Variants in WAC observed in about 807,000 individuals in gnomAD.
The protein encoded by WAC is WW domain-containing adapter protein with coiled-coil.
WAC carries 11 observed loss-of-function variants against 79.6 expected under a neutral mutation model. The observed-to-expected ratio is 0.14, with a 90% confidence interval of 0.09 to 0.23. The LOEUF (loss-of-function observed/expected upper bound fraction) is 0.23, where lower values mean the gene tolerates loss of function less well. Ranked by LOEUF, WAC falls within the 10% of genes least tolerant of loss-of-function variation. The pLI, the probability that WAC is intolerant of heterozygous loss-of-function variation, is 1.00. For synonymous variants in WAC, 304 were observed against 276.9 expected (o/e 1.10, Z -0.97); for missense variants, 728 against 773.5 (o/e 0.94, Z 0.70).
intron 4 of WAC, chr10:28,588,888 G>A (rs1313639089): frequency 1.3e-5 from 2 of 151,974 alleles, no homozygotes; most frequent in Non-Finnish European, 2.9e-5. Flanking sequence ...CTAGCTATTT[G>A]ACAAAATATA....
In WAC at chr10:28,549,038, G is replaced by A. The variant is rs547925633; in HGVS notation, c.274+13281G>A. On this transcript the variant is annotated intron_variant, in intron 3 of 13. Coordinates refer to ENST00000354911, the MANE Select transcript of WAC (RefSeq NM_016628.5). ...CACAACCTCCCAAGTAGTTGAGCCT[G>A]CAGGCATATGCTGCCACTTCTGGCT... is the stretch of plus-strand genomic sequence containing the variant. Among the ~76,000 whole-genome samples, 55 of 152,230 alleles carry A rather than the reference G, an allele frequency of 3.6e-4. No individual in the cohort carries two copies. In the East Asian group the frequency reaches 6.8e-3, roughly 19 times the overall value.
intron 12 of WAC, among the ~76,000 whole-genome samples, chr10:28,616,880 G>A (rs1013788800): frequency 7.9e-5 from 12 of 152,144 alleles, no homozygotes; most frequent in African/African-American, 1.2e-4. Flanking sequence ...CCAGGAGTTC[G>A]AGACCAGTCT....
intron 3 of WAC, among the ~76,000 whole-genome samples, chr10:28,573,996 A>G (rs377539978): frequency 6.6e-6 from 1 of 151,950 alleles, no homozygotes; most frequent in Admixed American, 6.6e-5. Flanking sequence ...TTCACTTGGC[A>G]TATTTTTGAG....
chr10:28,587,454 C>G (rs753229890), intron 4 of WAC, among the ~76,000 whole-genome samples: 3 of 152,156 alleles, frequency 2.0e-5, no homozygotes, highest in South Asian at 2.1e-4. Flanking sequence ...GAAAATAGTT[C>G]TGGTCTTGTG....
chr10:28,566,032 T>C (rs551858813), intron 3 of WAC, among the ~76,000 whole-genome samples: 5 of 152,148 alleles, frequency 3.3e-5, no homozygotes, highest in African/African-American at 7.2e-5. Flanking sequence ...AAAAAAAAAT[T>C]AGAGTAAAAT....
chr10:28,568,136 C>T (rs2132530326), intron 3 of WAC, among the ~76,000 whole-genome samples: 1 of 152,186 alleles, frequency 6.6e-6, no homozygotes, highest in Admixed American at 6.5e-5. Flanking sequence ...TCTTTTTGGT[C>T]CCTTTAGTTA....
upstream of WAC, chr10:28,533,051 A>G: frequency 6.5e-6 from 1 of 154,862 alleles, no homozygotes; most frequent in Non-Finnish European, 1.4e-5. Context: ...TGCGGGGAGG[A>G]AGGCCGAGGG....
intron 3 of WAC, among the ~76,000 whole-genome samples, chr10:28,549,448 C>CT (rs1222377444): frequency 6.6e-6 from 1 of 152,130 alleles, no homozygotes; most frequent in East Asian, 1.9e-4. Flanking sequence ...CTTCCTAAAT[C>CT]TTTTTCTAAT....
intron 3 of WAC, among the ~76,000 whole-genome samples, chr10:28,550,514 C>T (rs541917910): frequency 6.6e-6 from 1 of 152,200 alleles, no homozygotes; most frequent in African/African-American, 2.4e-5. Flanking sequence ...ACACTTTGAG[C>T]TCCTAATAGG....
At position 28,619,951 on chromosome 10, in the gene WAC, T is replaced by A. The variant is rs1841630626; in HGVS notation, c.*345T>A. ...TTACATGTAAACCTGTCTGCAAAAT[T>A]AGCTTTTTTAAAAAAAAAAAAAAAA... On this transcript the variant is annotated 3_prime_UTR_variant, in exon 14 of 14. Coordinates refer to ENST00000354911, the MANE Select transcript of WAC (RefSeq NM_016628.5). 6.4e-6 allele frequency: 1 copy of A among 156,584 alleles called. No individual in the cohort carries two copies. The highest frequency in any genetic ancestry group is 2.5e-5 in the African/African-American group (1 of 40,088). 9.7% of individuals were successfully genotyped at this position (156,584 alleles called of 1,614,324 possible).
rs71391054 is a variant in WAC, at chr10:28,603,961, G to GTATA, written c.920-4201_920-4198dup. Among the ~76,000 whole-genome samples, 182 of 20,872 alleles carry GTATA rather than the reference G, an allele frequency of 8.7e-3. 7 individuals carry two copies. The highest frequency in any genetic ancestry group is 0.038 in the African/African-American group (88 of 2,340). 13.7% of individuals were successfully genotyped at this position (20,872 alleles called of 152,430 possible). ...AAAAAAAATATATATATGTATGTAT[G>GTATA]TATATATATATATATATATATATAT... On this transcript the variant is annotated intron_variant, in intron 7 of 13. Transcript: ENST00000354911.
At chr10:28,584,176 G>C (rs1049302406) in intron 4 of WAC, among the ~76,000 whole-genome samples, 1 of 152,194 alleles carries the variant, frequency 6.6e-6, no homozygotes. Context: ...AATAGTGCCT[G>C]TTAAAGTTGC....
intron 12 of WAC, among the ~76,000 whole-genome samples, chr10:28,616,872 A>T (rs1009892045): frequency 6.6e-6 from 1 of 152,248 alleles, no homozygotes; most frequent in Admixed American, 6.5e-5. Flanking sequence ...GAGGCCAGCC[A>T]GGAGTTCGAG....
At chr10:28,587,413 A>G (rs549325737) in intron 4 of WAC, among the ~76,000 whole-genome samples, 23 of 152,308 alleles carry the variant, frequency 1.5e-4, no homozygotes, top group African/African-American at 5.5e-4. Flanking sequence ...TAAAATGAGG[A>G]AGAAAAAAAT....
chr10:28,571,412 A>G (rs574415093), intron 3 of WAC, among the ~76,000 whole-genome samples: 2 of 152,286 alleles, frequency 1.3e-5, no homozygotes, highest in South Asian at 4.1e-4. Context: ...AGCTTTACAC[A>G]TCTGTTACAT....
At chr10:28,601,608 T>A (rs1020320463) in intron 7 of WAC, among the ~76,000 whole-genome samples, 9 of 152,120 alleles carry the variant, frequency 5.9e-5, no homozygotes, top group African/African-American at 2.2e-4. Flanking sequence ...TACATGCGGG[T>A]GTTCCTAGTA....
At position 28,610,651 on chromosome 10, in the gene WAC, CA is replaced by C. The variant is rs1450473036; in HGVS notation, c.1166-47del. On this transcript the variant is annotated intron_variant, in intron 8 of 13. Coordinates refer to ENST00000354911, the MANE Select transcript of WAC (RefSeq NM_016628.5). ...CCTTGTCAGGTTGTTACTAATGCCA[CA>C]TAAGCCTCTTGTTTTTATATGAATG... The C allele has an allele frequency of 2.6e-6, 4 of 1,553,508 alleles. No individual in the cohort carries two copies. The African/African-American group carries it at 5.6e-5, about 22-fold the overall frequency.
At chr10:28,583,090 CTT>C (rs968700260) in intron 3 of WAC, among the ~76,000 whole-genome samples, 2 of 152,014 alleles carry the variant, frequency 1.3e-5, no homozygotes, top group Non-Finnish European at 2.9e-5. Context: ...TCCAGTAAAA[CTT>C]TAAGAAAACC....
intron 2 of WAC, chr10:28,534,272 C>T (rs1414376596): frequency 2.3e-6 from 1 of 437,186 alleles, no homozygotes; most frequent in Admixed American, 4.2e-5. Context: ...AAAAAAGAAT[C>T]ATTTGCAGCC....
Sources: gnomAD v4.1 joint callset for allele counts (sites outside exome capture counted in the v4.1 genomes callset) on GRCh38, gnomAD v4.1.1 for gene constraint, MANE v1.5 for transcripts, NCBI Gene and HGNC (gene_info 2026-07-23, HGNC 2026-07-21) for gene names.